Variants in CPQ observed in about 807,000 individuals in gnomAD.
CPQ encodes Ser-Met dipeptidase.
Under a neutral mutation model 45.7 loss-of-function variants are expected in CPQ, and 37 were observed. The observed-to-expected ratio is 0.81, with a 90% confidence interval of 0.62 to 1.07. The LOEUF is 1.07. Ranked by LOEUF, CPQ falls within the 50% of genes least tolerant of loss-of-function variation. The pLI is 0.00. For synonymous variants in CPQ, 186 were observed against 205.8 expected (o/e 0.90, Z 0.82); for missense variants, 537 against 572.9 (o/e 0.94, Z 0.64).
chr8:97,017,151 C>T (rs926280180), intron 5 of CPQ, among the ~76,000 whole-genome samples: 1 of 152,150 alleles, frequency 6.6e-6, no homozygotes, highest in Non-Finnish European at 1.5e-5. Flanking sequence ...GAGAGGGAAC[C>T]TGAAGTTCTA....
chr8:96,648,998 T>C (rs1054222559), intron 1 of CPQ, among the ~76,000 whole-genome samples: 2 of 152,262 alleles, frequency 1.3e-5, no homozygotes, highest in African/African-American at 2.4e-5. Context: ...TTGTTTTGTT[T>C]TGAGGCAAGG....
intron 1 of CPQ, among the ~76,000 whole-genome samples, chr8:96,647,499 A>G (rs1815531463): frequency 6.6e-6 from 1 of 152,208 alleles, no homozygotes; most frequent in South Asian, 2.1e-4. Context: ...TGATCTTCTT[A>G]ACTAGAAACA....
At chr8:96,803,082 A>T (rs1418826655) in intron 2 of CPQ, among the ~76,000 whole-genome samples, 1 of 152,104 alleles carries the variant, frequency 6.6e-6, no homozygotes. Flanking sequence ...AGACCCAGGA[A>T]AGCCAGTGGT....
intron 6 of CPQ, among the ~76,000 whole-genome samples, chr8:97,041,171 T>C (rs1239123605): frequency 6.6e-6 from 1 of 152,204 alleles, no homozygotes; most frequent in Non-Finnish European, 1.5e-5. Flanking sequence ...GAGCAGGGGT[T>C]TGTAGTTCTC....
At chr8:97,044,739 T>C (rs1810202936) in intron 6 of CPQ, among the ~76,000 whole-genome samples, 2 of 152,210 alleles carry the variant, frequency 1.3e-5, no homozygotes, top group Admixed American at 6.5e-5. Flanking sequence ...TGGAGTTTGC[T>C]AGAGGTCCAC....
intron 1 of CPQ, among the ~76,000 whole-genome samples, chr8:96,731,676 A>G (rs1455780687): frequency 6.6e-6 from 1 of 152,272 alleles, no homozygotes; most frequent in East Asian, 1.9e-4. Context: ...TTTTAAAATG[A>G]AAAAGGTATT....
chr8:97,078,149 T>C (rs893179006), intron 7 of CPQ, among the ~76,000 whole-genome samples: 1 of 152,214 alleles, frequency 6.6e-6, no homozygotes, highest in East Asian at 1.9e-4. Context: ...CTTTGGCCAA[T>C]TGAAACATCT....
intron 2 of CPQ, among the ~76,000 whole-genome samples, chr8:96,802,116 CTCTT>C (rs1258299753): frequency 6.6e-6 from 1 of 151,770 alleles, no homozygotes; most frequent in Admixed American, 6.6e-5. Context: ...TTCTCTTTGT[CTCTT>C]TCTTTATTTT....
intron 5 of CPQ, among the ~76,000 whole-genome samples, chr8:96,972,424 C>A (rs1813695318): frequency 6.6e-6 from 1 of 152,182 alleles, no homozygotes; most frequent in Non-Finnish European, 1.5e-5. Flanking sequence ...TCTCTACCTG[C>A]CCTGGTAGCC....
intron 7 of CPQ, among the ~76,000 whole-genome samples, chr8:97,119,755 A>G (rs924506296): frequency 3.3e-5 from 5 of 152,220 alleles, no homozygotes; most frequent in African/African-American, 1.2e-4. Flanking sequence ...AATCTAATTT[A>G]ATCACAGTAC....
At chr8:96,745,505 A>G (rs1810168008) in intron 1 of CPQ, among the ~76,000 whole-genome samples, 1 of 152,226 alleles carries the variant, frequency 6.6e-6, no homozygotes, top group African/African-American at 2.4e-5. Flanking sequence ...GTTATGTGCC[A>G]GGAAAATTGC....
intron 1 of CPQ, among the ~76,000 whole-genome samples, chr8:96,741,312 G>C (rs892419319): frequency 1.3e-5 from 2 of 152,138 alleles, no homozygotes; most frequent in African/African-American, 4.8e-5. Context: ...TGTGGGATGG[G>C]TGGTGATATC....
intron 7 of CPQ, among the ~76,000 whole-genome samples, chr8:97,119,652 C>G (rs1811664304): frequency 6.6e-6 from 1 of 152,110 alleles, no homozygotes; most frequent in South Asian, 2.1e-4. Flanking sequence ...AATTAGTTCC[C>G]TCATGTACCT....
intron 5 of CPQ, among the ~76,000 whole-genome samples, chr8:96,981,428 A>G (rs1309252785): frequency 1.3e-5 from 2 of 152,212 alleles, no homozygotes; most frequent in African/African-American, 4.8e-5. Flanking sequence ...CATAGACCCT[A>G]GATCCATTTA....
chr8:96,776,668 G>A (rs1810608847), intron 1 of CPQ, among the ~76,000 whole-genome samples: 1 of 152,134 alleles, frequency 6.6e-6, no homozygotes, highest in South Asian at 2.1e-4. Context: ...TATGAGAAAT[G>A]TAGGTTTTGC....
intron 1 of CPQ, among the ~76,000 whole-genome samples, chr8:96,655,274 CT>C (rs1815625706): frequency 6.6e-6 from 1 of 151,892 alleles, no homozygotes; most frequent in East Asian, 1.9e-4. Context: ...ATTCTTTTTT[CT>C]TTTTGCTCCT....
chr8:96,801,937 G>A (rs1163881574), intron 2 of CPQ, among the ~76,000 whole-genome samples: 2 of 152,156 alleles, frequency 1.3e-5, no homozygotes, highest in Non-Finnish European at 2.9e-5. Flanking sequence ...GTTATAATAA[G>A]TATTGAGCTT....
chr8:96,884,367 A>G (rs373293570), intron 4 of CPQ, among the ~76,000 whole-genome samples: 6 of 151,892 alleles, frequency 4.0e-5, no homozygotes, highest in Non-Finnish European at 8.8e-5. Context: ...GGTCTTTTCC[A>G]TACTTCTTTG....
At position 96,872,244 on chromosome 8, in the gene CPQ, A is replaced by T. The variant is rs188003478; in HGVS notation, c.642-7554A>T. Among the ~76,000 whole-genome samples, 259 of 152,050 alleles carry T rather than the reference A, an allele frequency of 1.7e-3. 2 individuals are homozygous for T. Among genetic ancestry groups the T allele is most frequent in the African/African-American group, 6.2e-3 (257 of 41,554 alleles). ...ATATACATAACCTAAAGGTAATTTT[A>T]TGAAATATTTCTGATAATTCTGTGC... is the stretch of plus-strand genomic sequence containing the variant. On this transcript the variant is annotated intron_variant, in intron 3 of 7. Coordinates refer to ENST00000220763, the MANE Select transcript of CPQ (RefSeq NM_016134.4).
Sources: gnomAD v4.1 joint callset for allele counts (sites outside exome capture counted in the v4.1 genomes callset) on GRCh38, gnomAD v4.1.1 for gene constraint, MANE v1.5 for transcripts, NCBI Gene and HGNC (gene_info 2026-07-23, HGNC 2026-07-21) for gene names.